Variants in MDGA2 observed in about 807,000 individuals in gnomAD.
MDGA2 encodes MAM domain-containing glycosylphosphatidylinositol anchor protein 2.
A neutral mutation model predicts 117.8 loss-of-function variants in MDGA2; 40 were observed. The ratio of observed to expected loss-of-function variants is 0.34; its 90% CI spans 0.26 to 0.44. The LOEUF is 0.44. Among genes scored for constraint, MDGA2 ranks in the 20% least tolerant of loss-of-function variants. MDGA2 has a pLI of 1.00. For missense variants in MDGA2, 1,123 were observed against 1,250.6 expected (o/e 0.90, Z 1.54); for synonymous variants, 452 against 439.0 (o/e 1.03, Z -0.37).
At chr14:46,898,413 C>T (rs3007105) in intron 10 of MDGA2, among the ~76,000 whole-genome samples, 59,901 of 151,724 alleles carry the variant, frequency 0.39, 13,256 homozygotes, top group East Asian at 0.63. Flanking sequence ...ACATTTCTTG[C>T]TGGCTTGAGC....
At chr14:47,520,895 T>A (rs1594897570) in intron 1 of MDGA2, among the ~76,000 whole-genome samples, 1 of 152,302 alleles carries the variant, frequency 6.6e-6, no homozygotes, top group South Asian at 2.1e-4. Flanking sequence ...AGGAATGGTG[T>A]CATTCAGAAT....
intron 1 of MDGA2, among the ~76,000 whole-genome samples, chr14:47,607,715 G>C (rs1896767006): frequency 6.6e-6 from 1 of 152,084 alleles, no homozygotes; most frequent in Non-Finnish European, 1.5e-5. Flanking sequence ...AGAGTAAGTG[G>C]TTTTGATTGC....
chr14:47,197,869 A>G lies in MDGA2; in HGVS notation c.595+20152T>C, dbSNP rs1430684975. 2.0e-5 allele frequency among the ~76,000 whole-genome samples: 3 copies of G among 152,134 alleles called. No homozygotes were observed. The East Asian group carries it at 5.8e-4, about 29-fold the overall frequency. On this transcript the variant is annotated intron_variant, in intron 3 of 16. Coordinates refer to ENST00000399232, the MANE Select transcript of MDGA2 (RefSeq NM_001113498.3). ...GGTTGCAGTGAGCCGAGATTGCACCACTGCACTCCTGCCTGGGCGACAGAG... is the reference window on the plus strand; with the variant it reads ...GGTTGCAGTGAGCCGAGATTGCACCGCTGCACTCCTGCCTGGGCGACAGAG...
chr14:46,882,810 T>C (rs1882516264), intron 10 of MDGA2, among the ~76,000 whole-genome samples: 1 of 151,876 alleles, frequency 6.6e-6, no homozygotes, highest in Non-Finnish European at 1.5e-5. Flanking sequence ...GGGCACTCTT[T>C]AGTTAAATCA....
At chr14:46,992,373 G>C (rs937528808) in intron 8 of MDGA2, among the ~76,000 whole-genome samples, 1 of 152,038 alleles carries the variant, frequency 6.6e-6, no homozygotes, top group Non-Finnish European at 1.5e-5. Context: ...AGACGTTCAG[G>C]ACTATTCACC....
intron 1 of MDGA2, among the ~76,000 whole-genome samples, chr14:47,321,817 C>A (rs1353028241): frequency 6.6e-6 from 1 of 152,088 alleles, no homozygotes; most frequent in Non-Finnish European, 1.5e-5. Context: ...ATTGCTATGC[C>A]TTTACTTCCA....
chr14:46,844,491 G>T (rs1050946157), intron 16 of MDGA2, among the ~76,000 whole-genome samples: 6 of 152,066 alleles, frequency 3.9e-5, no homozygotes, highest in African/African-American at 9.7e-5. Flanking sequence ...TGAGGCAAGA[G>T]AATCACTTGA....
chr14:47,079,817 C>T lies in MDGA2; in HGVS notation c.1195+17037G>A, dbSNP rs556687204. Among the ~76,000 whole-genome samples, 58 of 145,338 alleles carry T rather than the reference C, an allele frequency of 4.0e-4. No homozygotes were observed. In the South Asian group the frequency reaches 7.1e-3, roughly 18 times the overall value. On this transcript the variant is annotated intron_variant, in intron 6 of 16. Coordinates refer to ENST00000399232, the MANE Select transcript of MDGA2 (RefSeq NM_001113498.3). The stretch of plus-strand genomic sequence containing the variant: ...CGCAATCTCGGCTCCCTGCAAGCTC[C>T]GCCTTCCAGGTTCACGCCATTCTCC...
chr14:46,843,825 A>G (rs540909055), intron 16 of MDGA2, among the ~76,000 whole-genome samples: 2 of 152,228 alleles, frequency 1.3e-5, no homozygotes, highest in Non-Finnish European at 2.9e-5. Flanking sequence ...TACAACATAG[A>G]TTTTCATGCT....
intron 1 of MDGA2, among the ~76,000 whole-genome samples, chr14:47,664,410 A>C (rs2138299714): frequency 6.6e-6 from 1 of 151,656 alleles, no homozygotes; most frequent in South Asian, 2.1e-4. Flanking sequence ...AACAGAAGGG[A>C]AACTCTCCAT....
chr14:47,409,681 T>C (rs1269284161), intron 1 of MDGA2, among the ~76,000 whole-genome samples: 2 of 152,182 alleles, frequency 1.3e-5, no homozygotes, highest in Non-Finnish European at 2.9e-5. Context: ...GCTGTATCAC[T>C]TCAAACCACC....
intron 3 of MDGA2, among the ~76,000 whole-genome samples, chr14:47,151,008 G>A (rs1883142702): frequency 6.6e-6 from 1 of 151,602 alleles, no homozygotes; most frequent in African/African-American, 2.4e-5. Flanking sequence ...GTTGGCTGCT[G>A]AGTGATCCAC....
intron 2 of MDGA2, among the ~76,000 whole-genome samples, chr14:47,277,310 T>A (rs769767122): frequency 2.0e-5 from 3 of 152,168 alleles, no homozygotes; most frequent in Non-Finnish European, 4.4e-5. Flanking sequence ...ATTAAAAACA[T>A]ATATGCAATG....
At chr14:47,305,112 A>T (rs1027032665) in intron 1 of MDGA2, 1 of 152,182 alleles carries the variant, frequency 6.6e-6, no homozygotes, top group African/African-American at 2.4e-5. Context: ...ATTGAGTTTT[A>T]GTTTCTATTT....
At chr14:47,336,066 G>A (rs1317076781) in intron 1 of MDGA2, among the ~76,000 whole-genome samples, 1 of 151,744 alleles carries the variant, frequency 6.6e-6, no homozygotes, top group African/African-American at 2.4e-5. Context: ...ATTCGATAAA[G>A]ACTTTAAGTT....
At chr14:47,416,560 C>T (rs141127866) in intron 1 of MDGA2, among the ~76,000 whole-genome samples, 4 of 152,252 alleles carry the variant, frequency 2.6e-5, no homozygotes, top group African/African-American at 7.2e-5. Context: ...GCCCACATCC[C>T]CATGACTCCA....
At chr14:47,188,427 C>G (rs989208072) in intron 3 of MDGA2, among the ~76,000 whole-genome samples, 3 of 152,148 alleles carry the variant, frequency 2.0e-5, no homozygotes, top group Non-Finnish European at 4.4e-5. Flanking sequence ...TGTGAGGGAA[C>G]AGCAGTTGAA....
chr14:47,599,921 CT>C (rs1438761371), intron 1 of MDGA2, among the ~76,000 whole-genome samples: 1 of 152,028 alleles, frequency 6.6e-6, no homozygotes, highest in African/African-American at 2.4e-5. Context: ...TATAGACAAC[CT>C]ACTGCATATT....
intron 3 of MDGA2, among the ~76,000 whole-genome samples, chr14:47,193,018 T>G (rs1288368267): frequency 1.3e-5 from 2 of 152,230 alleles, no homozygotes; most frequent in African/African-American, 4.8e-5. Context: ...AGAATATCAT[T>G]GTATTTTTTA....
Sources: gnomAD v4.1 joint callset for allele counts (sites outside exome capture counted in the v4.1 genomes callset) on GRCh38, gnomAD v4.1.1 for gene constraint, MANE v1.5 for transcripts, NCBI Gene and HGNC (gene_info 2026-07-23, HGNC 2026-07-21) for gene names.